Variants in LARP1B observed in about 807,000 individuals in gnomAD.
The protein encoded by LARP1B is La ribonucleoprotein 1B.
Under a neutral mutation model 114.2 loss-of-function variants are expected in LARP1B, and 76 were observed. The ratio of observed to expected loss-of-function variants is 0.67; its 90% CI spans 0.55 to 0.81. The LOEUF is 0.81. Ranked by LOEUF, LARP1B falls within the 30% of genes least tolerant of loss-of-function variation. The pLI is 0.00. For missense variants in LARP1B, 1,014 were observed against 1,075.8 expected (o/e 0.94, Z 0.80); for synonymous variants, 345 against 348.0 (o/e 0.99, Z 0.10).
At chr4:128,095,064 T>C (rs1472846430) in intron 7 of LARP1B, among the ~76,000 whole-genome samples, 1 of 152,156 alleles carries the variant, frequency 6.6e-6, no homozygotes, top group Non-Finnish European at 1.5e-5. Flanking sequence ...AATTTTAGAA[T>C]TTTAACACAT....
At chr4:128,198,914 T>G (rs1283472430) in intron 15 of LARP1B, among the ~76,000 whole-genome samples, 1 of 152,124 alleles carries the variant, frequency 6.6e-6, no homozygotes, top group Non-Finnish European at 1.5e-5. Flanking sequence ...AAAGACAGAT[T>G]TAGGAGATAG....
At chr4:128,143,919 A>G (rs893315574) in intron 11 of LARP1B, among the ~76,000 whole-genome samples, 2 of 152,032 alleles carry the variant, frequency 1.3e-5, no homozygotes, top group Non-Finnish European at 2.9e-5. Context: ...TACAGTTGAG[A>G]GTAGATAATG....
At chr4:128,108,783 T>G in intron 9 of LARP1B, 1 of 985,080 alleles carries the variant, frequency 1.0e-6, no homozygotes, top group Non-Finnish European at 1.2e-6. Context: ...AGGCATTGGG[T>G]AAGTTAGATA....
At chr4:128,190,717 A>G (rs1561536073) in intron 15 of LARP1B, among the ~76,000 whole-genome samples, 1 of 152,174 alleles carries the variant, frequency 6.6e-6, no homozygotes. Context: ...CTCCCCAGCC[A>G]TGTGGAACTG....
At chr4:128,064,380 C>A (rs190639300) in intron 1 of LARP1B, among the ~76,000 whole-genome samples, 6 of 150,984 alleles carry the variant, frequency 4.0e-5, no homozygotes, top group East Asian at 3.9e-4. Context: ...TGAGTTAATT[C>A]ATTCATTTGC....
At position 128,100,653 on chromosome 4, in the gene LARP1B, T is replaced by A. The variant is rs567966688; in HGVS notation, c.813+2323T>A. 5.9e-5 allele frequency among the ~76,000 whole-genome samples: 9 copies of A among 152,290 alleles called. No homozygotes were observed. The South Asian group carries it at 1.2e-3, about 21-fold the overall frequency. Reference sequence around the variant, plus strand: ...TGTGCTTTTTTGTCTGCATACCTTATTAGTGGAAATGTCTGTTCAGATTTT... The same window carrying A: ...TGTGCTTTTTTGTCTGCATACCTTAATAGTGGAAATGTCTGTTCAGATTTT... On this transcript the variant is annotated intron_variant, in intron 8 of 19. Coordinates refer to ENST00000326639, the MANE Select transcript of LARP1B (RefSeq NM_018078.4).
At chr4:128,130,867 G>A (rs1238025996) in intron 11 of LARP1B, among the ~76,000 whole-genome samples, 3 of 152,230 alleles carry the variant, frequency 2.0e-5, no homozygotes, top group African/African-American at 7.2e-5. Context: ...GAGCTATCAA[G>A]CTGTGAAAAG....
Position 128,114,779 on chromosome 4 carries a change from C to T in LARP1B, c.1161+37C>T, listed in dbSNP as rs767967866. 1.4e-5 allele frequency: 22 copies of T among 1,590,646 alleles called. No homozygotes were observed. In the South Asian group the frequency reaches 2.1e-4, roughly 15 times the overall value. On this transcript the variant is annotated intron_variant, in intron 10 of 19. Transcript: ENST00000326639. ...CAGACTGAGTGAAGTGTGACATACC[C>T]TGGGTGGAGTATAAGGTCAGTGCAC...
At chr4:128,070,799 T>TA (rs144956269) in intron 1 of LARP1B, among the ~76,000 whole-genome samples, 42 of 146,892 alleles carry the variant, frequency 2.9e-4, no homozygotes, top group African/African-American at 4.2e-4. Context: ...CTATCTCAAT[T>TA]AAAAAAAAAA....
intron 17 of LARP1B, among the ~76,000 whole-genome samples, chr4:128,201,626 A>G (rs560489073): frequency 7.1e-4 from 108 of 152,142 alleles, no homozygotes; most frequent in Non-Finnish European, 1.3e-3. Context: ...CTTTGCTTCT[A>G]CTTCTCTTCG....
intron 5 of LARP1B, among the ~76,000 whole-genome samples, chr4:128,083,772 T>TGGACGG (rs1771915661): frequency 1.2e-5 from 1 of 85,632 alleles, no homozygotes; most frequent in Non-Finnish European, 2.5e-5. Flanking sequence ...CCTCACCTCC[T>TGGACGG]GGACGGGGCG....
chr4:128,172,624 T>G lies in LARP1B; in HGVS notation c.1649-4248T>G, dbSNP rs147434491. Among the ~76,000 whole-genome samples, 808 of 151,686 alleles carry G rather than the reference T, an allele frequency of 5.3e-3. 9 individuals are homozygous for G. The highest frequency in any genetic ancestry group is 0.019 in the African/African-American group (773 of 41,336). ...ACGAGAATCACTTGAACCCGGGAGG[T>G]AGAGGTTGCGGTGAGCCAAGATCAA... On this transcript the variant is annotated intron_variant, in intron 12 of 19. Transcript: ENST00000326639.
intron 15 of LARP1B, among the ~76,000 whole-genome samples, chr4:128,189,758 A>G (rs1403740938): frequency 6.6e-6 from 1 of 152,194 alleles, no homozygotes. Flanking sequence ...TTTTAAACAT[A>G]TGACAACTTA....
intron 4 of LARP1B, among the ~76,000 whole-genome samples, chr4:128,081,839 A>G (rs976850040): frequency 6.6e-6 from 1 of 152,206 alleles, no homozygotes; most frequent in African/African-American, 2.4e-5. Context: ...GGCTCAAGCT[A>G]TTCTCGTGCC....
intron 11 of LARP1B, among the ~76,000 whole-genome samples, chr4:128,127,233 C>A (rs906275156): frequency 7.2e-6 from 1 of 139,284 alleles, no homozygotes; most frequent in African/African-American, 2.5e-5. Context: ...GTGATTTTAC[C>A]TATCAGAGAC....
chr4:128,129,164 C>CAAAAAAA lies in LARP1B; in HGVS notation c.1524+7010_1524+7016dup, dbSNP rs559312234. ...TGGGCGACAGAGCGAGACTCTGTCTCAAAAAAAAAAAAAAAAAAAAAAAAA... is the reference window on the plus strand; with the variant it reads ...TGGGCGACAGAGCGAGACTCTGTCTCAAAAAAAAAAAAAAAAAAAAAAAAAAAAAAAA... On this transcript the variant is annotated intron_variant, in intron 11 of 19. Coordinates refer to ENST00000326639, the MANE Select transcript of LARP1B (RefSeq NM_018078.4). Among the ~76,000 whole-genome samples the CAAAAAAA allele has an allele frequency of 2.7e-3, 132 of 49,138 alleles. 16 individuals carry two copies. Among genetic ancestry groups the CAAAAAAA allele is most frequent in the African/African-American group, 6.4e-3 (66 of 10,314 alleles). 32.2% of individuals were successfully genotyped at this position (49,138 alleles called of 152,430 possible). A position where few individuals can be genotyped will look rare whatever the true frequency, so the allele number is the denominator to read the frequency against.
intron 11 of LARP1B, among the ~76,000 whole-genome samples, chr4:128,147,241 T>C (rs930955703): frequency 2.0e-5 from 3 of 152,212 alleles, no homozygotes; most frequent in African/African-American, 7.2e-5. Context: ...CCCAAACAAC[T>C]GGCTGGCTTC....
intron 3 of LARP1B, among the ~76,000 whole-genome samples, chr4:128,077,574 T>C (rs1768503286): frequency 6.6e-6 from 1 of 151,944 alleles, no homozygotes; most frequent in East Asian, 1.9e-4. Flanking sequence ...TCATATGTAT[T>C]TGAGGTAAAA....
At chr4:128,102,258 A>T (rs140341267) in intron 8 of LARP1B, among the ~76,000 whole-genome samples, 2 of 152,232 alleles carry the variant, frequency 1.3e-5, no homozygotes, top group East Asian at 1.9e-4. Context: ...TATCAAGATC[A>T]TGGACCTATG....
Sources: gnomAD v4.1 joint callset for allele counts (sites outside exome capture counted in the v4.1 genomes callset) on GRCh38, gnomAD v4.1.1 for gene constraint, MANE v1.5 for transcripts, NCBI Gene and HGNC (gene_info 2026-07-23, HGNC 2026-07-21) for gene names.